SLC26A5: variants seen among roughly 807,000 people sequenced by gnomAD.
SLC26A5 encodes solute carrier family 26 member 5, also known as prestin.
In SLC26A5, 51 loss-of-function variants were observed where a neutral mutation model predicts 81.0. The ratio of observed to expected loss-of-function variants is 0.63; its 90% CI spans 0.50 to 0.80. The LOEUF is 0.80. SLC26A5 is among the 30% of genes least tolerant of loss of function. The pLI is 0.00. For synonymous variants in SLC26A5, 325 were observed against 332.8 expected (o/e 0.98, Z 0.25); for missense variants, 771 against 905.8 (o/e 0.85, Z 1.91).
intron 2 of SLC26A5, among the ~76,000 whole-genome samples, chr7:103,440,189 A>C (rs1246424167): frequency 6.6e-6 from 1 of 152,220 alleles, no homozygotes; most frequent in Non-Finnish European, 1.5e-5. Flanking sequence ...TTGGATAATG[A>C]GTGACTCTAG....
intron 8 of SLC26A5, among the ~76,000 whole-genome samples, chr7:103,399,405 T>C (rs965941375): frequency 6.6e-6 from 1 of 152,152 alleles, no homozygotes; most frequent in Non-Finnish European, 1.5e-5. Flanking sequence ...TAGAGATACA[T>C]TTCGTTTTGT....
chr7:103,432,929 C>A (rs907631527), intron 2 of SLC26A5, among the ~76,000 whole-genome samples: 2 of 152,114 alleles, frequency 1.3e-5, no homozygotes, highest in Non-Finnish European at 2.9e-5. Flanking sequence ...GGCTTCTGAA[C>A]CACAGAGGAA....
chr7:103,384,355 C>A (rs905876055), intron 14 of SLC26A5, among the ~76,000 whole-genome samples: 1 of 151,078 alleles, frequency 6.6e-6, no homozygotes, highest in Non-Finnish European at 1.5e-5. Flanking sequence ...GCTCATGCCT[C>A]TAATCCCAGC....
intron 14 of SLC26A5, 179 bp downstream of exon 14, chr7:103,388,829 T>C (rs563072533): frequency 4.7e-5 from 28 of 593,660 alleles, no homozygotes; most frequent in South Asian, 4.5e-4. Flanking sequence ...TATGGAATTT[T>C]TAAATTGGCA....
chr7:103,425,092 T>C (rs1212321251), intron 2 of SLC26A5, among the ~76,000 whole-genome samples: 2 of 152,184 alleles, frequency 1.3e-5, no homozygotes, highest in Non-Finnish European at 2.9e-5. Flanking sequence ...ACATCAGGAA[T>C]TCCTCGTGAC....
At chr7:103,372,152 C>G (rs76094774), downstream of SLC26A5, among the ~76,000 whole-genome samples, 6,911 of 152,180 alleles carry the variant, frequency 0.045, 236 homozygotes, top group South Asian at 0.13. Context: ...TATCTGATCT[C>G]GTGATGATTG....
At chr7:103,391,587 T>C (rs980561470) in intron 11 of SLC26A5, 35 bp downstream of exon 11, 13 of 1,514,016 alleles carry the variant, frequency 8.6e-6, no homozygotes, top group Non-Finnish European at 1.1e-5. Context: ...TTACCACCCA[T>C]ATCATCAGGT....
At chr7:103,389,974 G>T (rs1822516246) in intron 12 of SLC26A5, among the ~76,000 whole-genome samples, 1 of 152,050 alleles carries the variant, frequency 6.6e-6, no homozygotes, top group Admixed American at 6.6e-5. Flanking sequence ...TGGCCAAGAG[G>T]TTCAGAATTA....
At chr7:103,409,319 C>T (rs1824296154) in intron 7 of SLC26A5, among the ~76,000 whole-genome samples, 1 of 152,248 alleles carries the variant, frequency 6.6e-6, no homozygotes, top group Admixed American at 6.5e-5. Flanking sequence ...ACAGGCCTCT[C>T]TTTTCAAGGA....
At chr7:103,388,811 C>A in intron 14 of SLC26A5, 197 bp downstream of exon 14, 1 of 540,982 alleles carries the variant, frequency 1.8e-6, no homozygotes, top group South Asian at 1.7e-5. Flanking sequence ...GAGCATTTGG[C>A]AAAATTATAT....
chr7:103,432,108 G>T (rs1826123698), intron 2 of SLC26A5, among the ~76,000 whole-genome samples: 1 of 152,054 alleles, frequency 6.6e-6, no homozygotes, highest in Middle Eastern at 3.4e-3. Context: ...TAGAAACGGG[G>T]TATCACCATG....
At chr7:103,444,023 G>C (rs1364942704) in intron 1 of SLC26A5, among the ~76,000 whole-genome samples, 3 of 152,176 alleles carry the variant, frequency 2.0e-5, no homozygotes, top group Non-Finnish European at 4.4e-5. Flanking sequence ...AAGGGTGAAG[G>C]TGGGGAGAAG....
chr7:103,419,654 C>T (rs1825183360), intron 4 of SLC26A5, among the ~76,000 whole-genome samples: 1 of 152,078 alleles, frequency 6.6e-6, no homozygotes, highest in Non-Finnish European at 1.5e-5. Flanking sequence ...TATCCTGCTT[C>T]AGCCTCCTGA....
intron 19 of SLC26A5, among the ~76,000 whole-genome samples, chr7:103,363,773 T>C (rs1820545922): frequency 6.6e-6 from 1 of 152,192 alleles, no homozygotes; most frequent in Admixed American, 6.5e-5. Context: ...GGGGCTTAAA[T>C]TGAAGCAGGT....
intron 2 of SLC26A5, among the ~76,000 whole-genome samples, chr7:103,433,862 C>G (rs890751886): frequency 4.6e-5 from 7 of 151,814 alleles, no homozygotes; most frequent in Non-Finnish European, 8.8e-5. Context: ...GCCACCACAC[C>G]CGGCTAATTT....
chr7:103,387,950 G>A (rs959953318), intron 14 of SLC26A5, among the ~76,000 whole-genome samples: 1 of 152,144 alleles, frequency 6.6e-6, no homozygotes, highest in Non-Finnish European at 1.5e-5. Context: ...CCAAAGTGCT[G>A]GGATTCCAGA....
intron 14 of SLC26A5, among the ~76,000 whole-genome samples, chr7:103,384,446 A>G (rs1332186373): frequency 1.3e-5 from 2 of 151,786 alleles, no homozygotes; most frequent in Non-Finnish European, 2.9e-5. Flanking sequence ...CCCCATCTCT[A>G]CAAAAAATAC....
At chr7:103,362,908 C>T (rs909379008) in intron 19 of SLC26A5, 3 of 616,392 alleles carry the variant, frequency 4.9e-6, no homozygotes, top group Non-Finnish European at 5.6e-6. Flanking sequence ...ATTCTCCTGC[C>T]TCAGCCTCCC....
rs984848333 is a variant in SLC26A5, at chr7:103,408,451, T to G, written c.736-448A>C. Reference sequence around the variant, plus strand: ...CATGTTGGTCAGGCTGGTCTCGAACTCCTGACCTCAAGTCATCTGCCTGCC... The same window carrying G: ...CATGTTGGTCAGGCTGGTCTCGAACGCCTGACCTCAAGTCATCTGCCTGCC... On this transcript the variant is annotated intron_variant, in intron 7 of 19. Transcript: ENST00000306312. Among the ~76,000 whole-genome samples the G allele has an allele frequency of 2.8e-4, 42 of 152,200 alleles. 1 individual carries two copies. Among genetic ancestry groups the G allele is most frequent in the African/African-American group, 9.9e-4 (41 of 41,454 alleles).
Sources: gnomAD v4.1 joint callset for allele counts (sites outside exome capture counted in the v4.1 genomes callset) on GRCh38, gnomAD v4.1.1 for gene constraint, MANE v1.5 for transcripts, NCBI Gene and HGNC (gene_info 2026-07-23, HGNC 2026-07-21) for gene names.